Variants in PHLPP2 observed in about 807,000 individuals in gnomAD.
The protein encoded by PHLPP2 is PH domain and leucine rich repeat protein phosphatase 2.
A neutral mutation model predicts 124.9 loss-of-function variants in PHLPP2; 66 were observed. The ratio of observed to expected loss-of-function variants is 0.53; its 90% CI spans 0.43 to 0.65. The LOEUF (loss-of-function observed/expected upper bound fraction) is 0.65, where lower values mean the gene tolerates loss of function less well. Ranked by LOEUF, PHLPP2 falls within the 30% of genes least tolerant of loss-of-function variation. PHLPP2 has a pLI of 0.00. For missense variants in PHLPP2, 1,685 were observed against 1,600.4 expected (o/e 1.05, Z -0.90); for synonymous variants, 681 against 624.7 (o/e 1.09, Z -1.34).
At chr16:71,688,306 C>T (rs3886515) in intron 4 of PHLPP2, among the ~76,000 whole-genome samples, 69,061 of 151,978 alleles carry the variant, frequency 0.45, 16,241 homozygotes, top group Middle Eastern at 0.63. Flanking sequence ...TATTAGCAAA[C>T]AGAAGACACA....
At chr16:71,669,249 T>C (rs753813929) in intron 11 of PHLPP2, 26 bp downstream of exon 11, 1 of 1,454,830 alleles carries the variant, frequency 6.9e-7, no homozygotes, top group Non-Finnish European at 9.6e-7. Context: ...AGTATATACA[T>C]AATATATGCA....
intron 9 of PHLPP2, among the ~76,000 whole-genome samples, chr16:71,675,081 T>C (rs959774763): frequency 6.6e-6 from 1 of 152,204 alleles, no homozygotes; most frequent in South Asian, 2.1e-4. Context: ...CTTTGGGATA[T>C]ATCCCAATCA....
chr16:71,668,229 G>T (rs1176782209), intron 11 of PHLPP2, among the ~76,000 whole-genome samples: 1 of 151,352 alleles, frequency 6.6e-6, no homozygotes, highest in Non-Finnish European at 1.5e-5. Flanking sequence ...GGCTAACACG[G>T]TGAAACCCCG....
At chr16:71,720,725 G>T (rs1042343877) in intron 1 of PHLPP2, among the ~76,000 whole-genome samples, 2 of 152,036 alleles carry the variant, frequency 1.3e-5, no homozygotes, top group African/African-American at 4.8e-5. Flanking sequence ...TTAGCCAGGC[G>T]TAGTGGCACA....
chr16:71,697,974 A>C (rs1026919178), intron 3 of PHLPP2, among the ~76,000 whole-genome samples: 2 of 151,470 alleles, frequency 1.3e-5, no homozygotes, highest in Admixed American at 1.3e-4. Context: ...CAGCCTCCAG[A>C]GTAGCTGGGA....
chr16:71,690,608 C>G lies in PHLPP2; in HGVS notation c.520G>C (p.Val174Leu). 1 of 1,612,362 alleles carries G rather than the reference C, an allele frequency of 6.2e-7. No homozygotes were observed. Among genetic ancestry groups the G allele is most frequent in the Non-Finnish European group, 8.5e-7 (1 of 1,178,368 alleles). ...ATAAGGCAGGTACCACAGAGGACAACTAGGCGCTCAGCCCACTTATGCAGC... is the reference window on the plus strand; with the variant it reads ...ATAAGGCAGGTACCACAGAGGACAAGTAGGCGCTCAGCCCACTTATGCAGC... Reference protein sequence around the residue: ...TQLHKWAERLVVLCGTCLIVS... With the variant: ...TQLHKWAERLLVLCGTCLIVS... Residue 174 changes from valine (V) to leucine (L), a missense_variant, in exon 4 of 19, where the codon GTT (valine) becomes CTT (leucine). By Grantham distance (32) the Val-to-Leu change is conservative. Transcript: ENST00000568954.
chr16:71,717,067 GC>G (rs1405255268), intron 1 of PHLPP2, among the ~76,000 whole-genome samples: 2 of 152,142 alleles, frequency 1.3e-5, no homozygotes, highest in Non-Finnish European at 2.9e-5. Flanking sequence ...ATTAGCTCTG[GC>G]AAGAAGCTGA....
rs1305721746 is a variant in PHLPP2, at chr16:71,678,822, T to C, written c.1201A>G (p.Asn401Asp). Reference sequence around the variant, plus strand: ...CCTAAGTTCAGGACTTCCAGGCAATTTCCTGCCATAACCACTCTATCTAAC... The same window carrying C: ...CCTAAGTTCAGGACTTCCAGGCAATCTCCTGCCATAACCACTCTATCTAAC... ...TMLDRVVMAG[N>D]CLEVLNLGVL... The change falls in exon 8 of 19, where the codon AAT (asparagine) becomes GAT (aspartate). Residue 401 changes from asparagine (N) to aspartate (D), a missense_variant. Asn to Asp is a conservative substitution (Grantham distance 23). Transcript: ENST00000568954. 5.0e-6 allele frequency: 8 copies of C among 1,612,840 alleles called. No individual in the cohort carries two copies. Among genetic ancestry groups the C allele is most frequent in the Non-Finnish European group, 6.8e-6 (8 of 1,178,794 alleles).
chr16:71,719,964 ATTTTTTTT>A (rs756642820), intron 1 of PHLPP2, among the ~76,000 whole-genome samples: 5 of 53,246 alleles, frequency 9.4e-5, no homozygotes, highest in African/African-American at 3.3e-4. Flanking sequence ...TGCCCAGCTA[ATTTTTTTT>A]TTTTTTTTTT....
rs1356950534 is a variant in PHLPP2 at position 71,681,867 on chromosome 16, A to AC, written c.773dup (p.Cys258TrpfsTer9). 6.2e-7 allele frequency: 1 copy of AC among 1,613,712 alleles called. No individual in the cohort carries two copies. Among genetic ancestry groups the AC allele is most frequent in the Middle Eastern group, 1.6e-4 (1 of 6,062 alleles). The stretch of plus-strand genomic sequence containing the variant: ...GCTCAGGAACCTCCTCGAGGCTGTA[A>AC]CACGAGAGATCCACGGTACTGATTC... On this transcript the variant is annotated frameshift_variant, in exon 6 of 19. Transcript: ENST00000568954. LOFTEE classifies it high-confidence loss of function.
At chr16:71,702,901 A>G (rs562596321) in intron 2 of PHLPP2, among the ~76,000 whole-genome samples, 170 bp from the exon 3 acceptor site, 1 of 152,230 alleles carries the variant, frequency 6.6e-6, no homozygotes, top group South Asian at 2.1e-4. Flanking sequence ...CCTCACCTGA[A>G]TCATGTATAT....
At chr16:71,650,900 G>T (rs1167493796) in intron 18 of PHLPP2, among the ~76,000 whole-genome samples, 1 of 152,208 alleles carries the variant, frequency 6.6e-6, no homozygotes, top group Non-Finnish European at 1.5e-5. Flanking sequence ...TGGGGCTAGG[G>T]CCCAACAATT....
Position 71,649,105 on chromosome 16 carries a change from T to G in PHLPP2, c.3757A>C (p.Asn1253His). ...ACTTCTGTGGCCACTTCAATGAGGT[T>G]CAGGCTGTCCTCTAGGGGCACAATA... The part of the protein sequence containing the change: ...GSIVPLEDSL[N>H]LIEVATEVPK... Residue 1253 changes from asparagine (N) to histidine (H), a missense_variant, in exon 19 of 19, where the codon AAC (asparagine) becomes CAC (histidine). By Grantham distance (68) the Asn-to-His change is moderately conservative (BLOSUM62 1). Transcript: ENST00000568954. 1.2e-6 allele frequency: 2 copies of G among 1,614,138 alleles called. No homozygotes were observed. The highest frequency in any genetic ancestry group is 1.7e-6 in the Non-Finnish European group (2 of 1,179,990).
intron 2 of PHLPP2, among the ~76,000 whole-genome samples, chr16:71,702,984 T>C (rs1016395973): frequency 3.3e-5 from 5 of 152,066 alleles, no homozygotes; most frequent in Non-Finnish European, 5.9e-5. Context: ...CCAATGTCTA[T>C]TACCCCACAC....
intron 7 of PHLPP2, 147 bp from the exon 8 acceptor site, chr16:71,679,132 A>C: frequency 1.6e-6 from 1 of 628,532 alleles, no homozygotes; most frequent in Non-Finnish European, 2.8e-6. Flanking sequence ...ATGCAGACTT[A>C]ATAGATGATT....
At chr16:71,680,217 C>T (rs559193896) in intron 6 of PHLPP2, among the ~76,000 whole-genome samples, 2 of 152,222 alleles carry the variant, frequency 1.3e-5, no homozygotes, top group Admixed American at 6.5e-5. Flanking sequence ...ATACAAAATC[C>T]TTGCAAGAAT....
At chr16:71,695,103 A>T (rs964719576) in intron 3 of PHLPP2, among the ~76,000 whole-genome samples, 5 of 152,046 alleles carry the variant, frequency 3.3e-5, no homozygotes, top group Non-Finnish European at 7.4e-5. Flanking sequence ...CATTTTATCT[A>T]TCAGATTAGT....
chr16:71,682,775 AAT>A (rs1401353911), intron 5 of PHLPP2, among the ~76,000 whole-genome samples: 3 of 152,228 alleles, frequency 2.0e-5, no homozygotes, highest in Non-Finnish European at 2.9e-5. Context: ...ATAACTGTAA[AAT>A]AGTCAATAAA....
chr16:71,694,268 C>T (rs1470496197), intron 3 of PHLPP2, among the ~76,000 whole-genome samples: 8 of 151,596 alleles, frequency 5.3e-5, no homozygotes, highest in Admixed American at 2.6e-4. Flanking sequence ...TTGAGACCAG[C>T]GTGACCAACA....
Sources: allele counts gnomAD v4.1 joint callset (sites outside exome capture counted in the v4.1 genomes callset), GRCh38; gene constraint gnomAD v4.1.1; transcripts MANE v1.5; gene names NCBI Gene and HGNC (gene_info 2026-07-23, HGNC 2026-07-21).